Variants in MOV10L1 observed in about 807,000 individuals in gnomAD.
The protein encoded by MOV10L1 is RNA helicase Mov10l1.
In MOV10L1, 110 loss-of-function variants were observed where a neutral mutation model predicts 143.8. The ratio of observed to expected loss-of-function variants is 0.76; its 90% CI spans 0.66 to 0.90. MOV10L1 has a LOEUF of 0.90. MOV10L1 is among the 40% of genes least tolerant of loss of function. The pLI is 0.00. For missense variants in MOV10L1, 1,406 were observed against 1,526.8 expected (o/e 0.92, Z 1.32); for synonymous variants, 593 against 581.1 (o/e 1.02, Z -0.29).
chr22:50,155,284 A>G, intron 22 of MOV10L1, among the ~76,000 whole-genome samples: 1 of 142,512 alleles, frequency 7.0e-6, no homozygotes, highest in Non-Finnish European at 1.5e-5. Flanking sequence ...TTTTTGAGAC[A>G]GAGTTTTGCT....
At chr22:50,122,614 T>G (rs1272090036) in intron 10 of MOV10L1, among the ~76,000 whole-genome samples, 1 of 152,216 alleles carries the variant, frequency 6.6e-6, no homozygotes, top group African/African-American at 2.4e-5. Context: ...CAGGCATCCT[T>G]CCCTTGGAAG....
Position 50,159,899 on chromosome 22 carries a change from T to C in MOV10L1, c.3324+114T>C. The C allele has an allele frequency of 1.4e-6, 1 of 694,482 alleles. No homozygotes were observed. The highest frequency in any genetic ancestry group is 1.8e-5 in the South Asian group (1 of 55,268). 43.0% of individuals were successfully genotyped at this position (694,482 alleles called of 1,614,324 possible). On this transcript the variant is annotated intron_variant, in intron 24 of 26. Transcript: ENST00000262794. This position sits in a 1 kb window ranked among gnomAD's most constrained non-coding sequence, Gnocchi z 4.1. ...CTGATTCCCAGCCCAGAGAAGCAGC[T>C]GCAGGCGGAGACTCCCTAGGTCCAG...
At chr22:50,147,989 C>T (rs2063197599) in intron 19 of MOV10L1, among the ~76,000 whole-genome samples, 1 of 152,200 alleles carries the variant, frequency 6.6e-6, no homozygotes, top group Admixed American at 6.5e-5. Flanking sequence ...TAAGCAGGAG[C>T]CCGCCCCCGC....
chr22:50,101,931 T>C (rs1036976003), intron 3 of MOV10L1, among the ~76,000 whole-genome samples: 1 of 152,146 alleles, frequency 6.6e-6, no homozygotes, highest in Non-Finnish European at 1.5e-5. Flanking sequence ...CCTATAATCA[T>C]GGAGGCCCCT....
chr22:50,155,759 C>T (rs1028619838), intron 22 of MOV10L1, among the ~76,000 whole-genome samples: 4 of 152,174 alleles, frequency 2.6e-5, no homozygotes, highest in Non-Finnish European at 5.9e-5. Context: ...CAGGCGTGAG[C>T]CACCGCACCC....
intron 22 of MOV10L1, among the ~76,000 whole-genome samples, chr22:50,154,651 T>G (rs1212711056): frequency 6.6e-6 from 1 of 152,208 alleles, no homozygotes; most frequent in Non-Finnish European, 1.5e-5. Context: ...TCTGTCCACC[T>G]GGTAGGCCAT....
rs146098008 is a variant in MOV10L1 at position 50,099,538 on chromosome 22, C to T, written c.378C>T (p.Ser126=). The part of the protein sequence containing the change: ...GPRVLIGCVT[S]LVEGAGCISQ... ...GAGTGTTGATTGGCTGTGTGACTTC[C>T]CTGGTGGAGGGCGCAGGCTGTATCA... Residue 126 remains serine, a synonymous_variant, in exon 3 of 27, where the codon TCC becomes TCT. Transcript: ENST00000262794. 6.2e-6 allele frequency: 10 copies of T among 1,614,068 alleles called. No homozygotes were observed. The highest frequency in any genetic ancestry group is 3.3e-5 in the Admixed American group (2 of 60,000).
intron 15 of MOV10L1, among the ~76,000 whole-genome samples, chr22:50,138,518 A>G (rs928845522): frequency 6.6e-6 from 1 of 151,916 alleles, no homozygotes; most frequent in South Asian, 2.1e-4. Flanking sequence ...TGATTGTACC[A>G]CTACACTCCA....
intron 22 of MOV10L1, among the ~76,000 whole-genome samples, chr22:50,155,959 G>A (rs553691329): frequency 6.6e-6 from 1 of 152,280 alleles, no homozygotes; most frequent in Admixed American, 6.5e-5. Context: ...GCTGAGGTGG[G>A]AGGATCACCT....
rs552029172 is a variant in MOV10L1 at position 50,131,155 on chromosome 22, A to G, written c.1910+2648A>G. Among the ~76,000 whole-genome samples the G allele has an allele frequency of 6.7e-5, 10 of 148,756 alleles. No homozygotes were observed. The East Asian group carries it at 1.2e-3, about 18-fold the overall frequency. Reference sequence around the variant, plus strand: ...AATCTCCTGACCTTGTGATCTGCCCACCTTGGCCTCCCAAAGTGCTGGGAT... The same window carrying G: ...AATCTCCTGACCTTGTGATCTGCCCGCCTTGGCCTCCCAAAGTGCTGGGAT... On this transcript the variant is annotated intron_variant, in intron 13 of 26. Transcript: ENST00000262794.
In MOV10L1 at chr22:50,142,173, A is replaced by G; in HGVS notation, c.2163A>G (p.Ala721=). 2.5e-6 allele frequency: 4 copies of G among 1,612,820 alleles called. No individual in the cohort carries two copies. The highest frequency in any genetic ancestry group is 3.4e-6 in the Non-Finnish European group (4 of 1,179,382). Reference sequence around the variant, plus strand: ...TGCCGGTGCTGGCACCCTTTACTGCAGAGATGAGCGATTGGGGTATGTGCT... The same window carrying G: ...TGCCGGTGCTGGCACCCTTTACTGCGGAGATGAGCGATTGGGGTATGTGCT... The part of the protein sequence containing the change: ...KDLPVLAPFT[A]EMSDWVDEIQ... Residue 721 remains alanine (A), a synonymous_variant, in exon 16 of 27, where the codon GCA becomes GCG. Transcript: ENST00000262794.
chr22:50,120,351 C>T (rs2062303804), intron 9 of MOV10L1, 151 bp from the exon 10 acceptor site: 1 of 577,144 alleles, frequency 1.7e-6, no homozygotes, highest in African/African-American at 1.9e-5. Context: ...CTTCAAACCA[C>T]TGCCTTAGAC....
chr22:50,133,319 T>C (rs1171974456), intron 13 of MOV10L1, among the ~76,000 whole-genome samples: 1 of 151,850 alleles, frequency 6.6e-6, no homozygotes, highest in Non-Finnish European at 1.5e-5. Context: ...TGGGGCCAAG[T>C]GTGGTGGCTT....
intron 14 of MOV10L1, 39 bp downstream of exon 14, chr22:50,134,104 G>T: frequency 6.6e-7 from 1 of 1,525,600 alleles, no homozygotes; most frequent in South Asian, 1.2e-5. Flanking sequence ...CATCTTCACA[G>T]AGTATTTTTA....
chr22:50,101,631 CT>C (rs2061747648), intron 3 of MOV10L1, among the ~76,000 whole-genome samples: 1 of 151,960 alleles, frequency 6.6e-6, no homozygotes, highest in Admixed American at 6.6e-5. Context: ...CTTGCCTCAG[CT>C]TCCTGAGTAG....
chr22:50,110,798 G>T (rs1020364306), intron 5 of MOV10L1, among the ~76,000 whole-genome samples: 1 of 152,064 alleles, frequency 6.6e-6, no homozygotes, highest in Non-Finnish European at 1.5e-5. Flanking sequence ...AGGCGTGGCA[G>T]CGCACACCCT....
rs2063077099 is a variant in MOV10L1 at position 50,144,384 on chromosome 22, C to T, written c.2505+141C>T. On this transcript the variant is annotated intron_variant, in intron 18 of 26. Transcript: ENST00000262794. The stretch of plus-strand genomic sequence containing the variant: ...AGCTGTGTTTGAGAAATGGCTCTGC[C>T]ATGGGCCCTCCCTCACCGCTAAATG... 3.8e-6 allele frequency: 4 copies of T among 1,042,364 alleles called. No homozygotes were observed. In the East Asian group the frequency reaches 1.1e-4, roughly 28 times the overall value. The allele number at this position is 1,042,364 out of a possible 1,614,324, so 64.6% of individuals were successfully genotyped here. A position where few individuals can be genotyped will look rare whatever the true frequency, so the allele number is the denominator to read the frequency against.
In MOV10L1 at chr22:50,108,445, C is replaced by T; in HGVS notation, c.555+197C>T. 5 of 754,318 alleles carry T rather than the reference C, an allele frequency of 6.6e-6. No homozygotes were observed. The South Asian group carries it at 7.6e-5, about 11-fold the overall frequency. The allele number at this position is 754,318 out of a possible 1,614,324, so 46.7% of individuals were successfully genotyped here. A position where few individuals can be genotyped will look rare whatever the true frequency, so the allele number is the denominator to read the frequency against. On this transcript the variant is annotated intron_variant, in intron 4 of 26. Coordinates refer to ENST00000262794, the MANE Select transcript of MOV10L1 (RefSeq NM_018995.3). ...ACAATAACTCCTAGTGCTTGCATAC[C>T]TGAATTCTAAGGTCTGTAGCTTATG...
intron 3 of MOV10L1, among the ~76,000 whole-genome samples, chr22:50,107,813 A>G (rs920791752): frequency 6.6e-6 from 1 of 152,154 alleles, no homozygotes; most frequent in Non-Finnish European, 1.5e-5. Flanking sequence ...GAGGTGCCAC[A>G]AACACTGCAG....
Sources: gnomAD v4.1 joint callset for allele counts (sites outside exome capture counted in the v4.1 genomes callset) on GRCh38, gnomAD v4.1.1 for gene constraint, Gnocchi (gnomAD v3.1) non-coding constraint, MANE v1.5 for transcripts, NCBI Gene and HGNC (gene_info 2026-07-23, HGNC 2026-07-21) for gene names.